APBB2: variants seen among roughly 807,000 people sequenced by gnomAD.
APBB2 encodes the protein amyloid beta precursor protein binding family B member 2, also known as Fe65-like 1.
Under a neutral mutation model 82.5 loss-of-function variants are expected in APBB2, and 38 were observed. That is an observed-to-expected ratio of 0.46 (90% CI 0.36 to 0.60). APBB2 has a LOEUF of 0.60. APBB2 is among the 20% of genes least tolerant of loss of function. The pLI is 0.00. For synonymous variants in APBB2, 341 were observed against 368.2 expected (o/e 0.93, Z 0.85); for missense variants, 772 against 972.3 (o/e 0.79, Z 2.74).
chr4:41,143,180 A>T (rs956574752), intron 1 of APBB2, 38 bp from the exon 2 acceptor site: 1 of 152,252 alleles, frequency 6.6e-6, no homozygotes, highest in Non-Finnish European at 1.5e-5. Context: ...ATAAGGACTC[A>T]AAGTCATCAA....
chr4:41,091,733 A>C (rs1292815163), intron 3 of APBB2, among the ~76,000 whole-genome samples: 5 of 152,096 alleles, frequency 3.3e-5, no homozygotes, highest in Non-Finnish European at 7.4e-5. Context: ...ATTATATATT[A>C]AGTACTTTTT....
intron 12 of APBB2, among the ~76,000 whole-genome samples, chr4:40,860,516 T>C (rs1762513659): frequency 6.6e-6 from 1 of 152,232 alleles, no homozygotes; most frequent in Non-Finnish European, 1.5e-5. Context: ...GGCTCAGAAC[T>C]TCCCTGGACT....
chr4:41,105,176 A>G (rs1417594787), intron 2 of APBB2, among the ~76,000 whole-genome samples: 1 of 152,254 alleles, frequency 6.6e-6, no homozygotes, highest in East Asian at 1.9e-4. Context: ...ATAGCTGAAT[A>G]ATAACCATAT....
intron 7 of APBB2, among the ~76,000 whole-genome samples, chr4:40,937,483 A>G (rs530152611): frequency 6.6e-6 from 1 of 152,340 alleles, no homozygotes; most frequent in African/African-American, 2.4e-5. Flanking sequence ...CTCTCATGTT[A>G]TGGAAACATG....
intron 5 of APBB2, among the ~76,000 whole-genome samples, chr4:41,023,933 C>T (rs1712837474): frequency 6.6e-6 from 1 of 152,144 alleles, no homozygotes; most frequent in African/African-American, 2.4e-5. Flanking sequence ...TCAAATTATA[C>T]TACAGGGCTT....
At chr4:41,075,644 T>C (rs879269690) in intron 3 of APBB2, among the ~76,000 whole-genome samples, 2 of 152,174 alleles carry the variant, frequency 1.3e-5, no homozygotes, top group Non-Finnish European at 2.9e-5. Flanking sequence ...GTCAACCTAA[T>C]AGGAAATCTA....
chr4:41,146,007 T>C (rs1560873960), intron 1 of APBB2, among the ~76,000 whole-genome samples: 1 of 150,788 alleles, frequency 6.6e-6, no homozygotes, highest in Non-Finnish European at 1.5e-5. Flanking sequence ...CTGGGCAACA[T>C]AGTGAGACCC....
Position 41,088,286 on chromosome 4 carries a change from AAAGGTC to A in APBB2, c.-149+12347_-149+12352del, listed in dbSNP as rs112785758. Among the ~76,000 whole-genome samples, 1,172 of 152,318 alleles carry A rather than the reference AAAGGTC, an allele frequency of 7.7e-3. 17 individuals are homozygous for A. The highest frequency in any genetic ancestry group is 0.026 in the African/African-American group (1,094 of 41,572). On this transcript the variant is annotated intron_variant, in intron 3 of 17. Coordinates refer to ENST00000508593, the MANE Select transcript of APBB2 (RefSeq NM_004307.2). ...GAGTATTACCTTAGTCTGTTGGTGA[AAAGGTC>A]ACCACAAAGTGGTTTCTCAAAGACT... is the stretch of plus-strand genomic sequence containing the variant.
rs1754703638 is a variant in APBB2 at position 41,127,404 on chromosome 4, T to C, written c.-261+15583A>G. On this transcript the variant is annotated intron_variant, in intron 2 of 17. Coordinates refer to ENST00000508593, the MANE Select transcript of APBB2 (RefSeq NM_004307.2). This position sits in a 1 kb window ranked among gnomAD's most constrained non-coding sequence, Gnocchi z 4.8. ...CAATAGAAGGCAATTGCAAAAAAAT[T>C]TCATTCTCACTCACTTCACATGTGC... is the stretch of plus-strand genomic sequence containing the variant. Among the ~76,000 whole-genome samples, 1 of 152,178 alleles carries C rather than the reference T, an allele frequency of 6.6e-6. No individual in the cohort carries two copies. The highest frequency in any genetic ancestry group is 2.1e-4 in the South Asian group (1 of 4,826).
intron 4 of APBB2, among the ~76,000 whole-genome samples, chr4:41,057,965 A>C (rs1220110004): frequency 6.6e-6 from 1 of 151,926 alleles, no homozygotes; most frequent in Non-Finnish European, 1.5e-5. Context: ...CACACATGGG[A>C]CCCTTTCTGA....
At chr4:40,906,341 A>G (rs1156457885) in intron 10 of APBB2, among the ~76,000 whole-genome samples, 1 of 151,768 alleles carries the variant, frequency 6.6e-6, no homozygotes, top group Admixed American at 6.6e-5. Context: ...CTGTAGTCCC[A>G]GCTACTCAGG....
chr4:40,971,604 G>A (rs1241686799), intron 6 of APBB2, among the ~76,000 whole-genome samples: 1 of 152,076 alleles, frequency 6.6e-6, no homozygotes, highest in East Asian at 1.9e-4. Flanking sequence ...TCCCAGAAAC[G>A]TTTTCCTTAT....
chr4:41,152,845 C>T (rs899145090), intron 1 of APBB2, among the ~76,000 whole-genome samples: 1 of 152,214 alleles, frequency 6.6e-6, no homozygotes, highest in Admixed American at 6.5e-5. Flanking sequence ...CAAATAAGTA[C>T]TGGTGGAATG....
chr4:41,170,502 T>C (rs1474744883), intron 1 of APBB2, among the ~76,000 whole-genome samples: 1 of 152,202 alleles, frequency 6.6e-6, no homozygotes, highest in Non-Finnish European at 1.5e-5. Context: ...AAATGCTTAT[T>C]CAGTCATGAA....
intron 6 of APBB2, among the ~76,000 whole-genome samples, chr4:40,994,271 A>G (rs1169734795): frequency 7.3e-6 from 1 of 136,862 alleles, no homozygotes; most frequent in Non-Finnish European, 1.6e-5. Flanking sequence ...TGGGCAACAG[A>G]GCAAGACTCA....
At chr4:40,981,030 T>C (rs565232831) in intron 6 of APBB2, among the ~76,000 whole-genome samples, 7 of 152,286 alleles carry the variant, frequency 4.6e-5, no homozygotes, top group African/African-American at 1.7e-4. Flanking sequence ...ACACACTGAA[T>C]CTTCTGCACA....
chr4:41,152,482 A>T (rs1412521980), intron 1 of APBB2, among the ~76,000 whole-genome samples: 1 of 151,574 alleles, frequency 6.6e-6, no homozygotes. Flanking sequence ...ACCACCAACC[A>T]TGTCCGGCTA....
chr4:41,062,611 C>A (rs1730277160), intron 4 of APBB2, among the ~76,000 whole-genome samples: 1 of 152,068 alleles, frequency 6.6e-6, no homozygotes, highest in Non-Finnish European at 1.5e-5. Context: ...AGATGGAAAC[C>A]ATGAGAGGGT....
At chr4:41,118,813 C>CA (rs1751910713) in intron 2 of APBB2, among the ~76,000 whole-genome samples, 1 of 152,140 alleles carries the variant, frequency 6.6e-6, no homozygotes, top group Non-Finnish European at 1.5e-5. Flanking sequence ...ACTATCTGCT[C>CA]AGTTTTCCTG....
Sources: gnomAD v4.1 joint callset for allele counts (sites outside exome capture counted in the v4.1 genomes callset) on GRCh38, gnomAD v4.1.1 for gene constraint, Gnocchi (gnomAD v3.1) non-coding constraint, MANE v1.5 for transcripts, NCBI Gene and HGNC (gene_info 2026-07-23, HGNC 2026-07-21) for gene names.